The following HS3ST5 variants were observed in gnomAD, a reference collection of about 807,000 sequenced individuals.
HS3ST5 encodes the protein heparan sulfate-glucosamine 3-sulfotransferase 5, also known as heparan sulfate glucosamine 3-O-sulfotransferase 5.
In HS3ST5, 10 loss-of-function variants were observed where a neutral mutation model predicts 25.4. The ratio of observed to expected loss-of-function variants is 0.39; its 90% CI spans 0.24 to 0.67. HS3ST5 has a LOEUF of 0.67. HS3ST5 is among the 30% of genes least tolerant of loss of function. HS3ST5 has a pLI of 0.44. For synonymous variants in HS3ST5, 170 were observed against 162.4 expected (o/e 1.05, Z -0.36); for missense variants, 324 against 420.7 (o/e 0.77, Z 2.01).
At chr6:114,214,409 A>G (rs1781655276) in intron 2 of HS3ST5, among the ~76,000 whole-genome samples, 1 of 152,214 alleles carries the variant, frequency 6.6e-6, no homozygotes, top group African/African-American at 2.4e-5. Flanking sequence ...AAACTGTATC[A>G]GTTCCCCAGC....
At chr6:114,290,654 T>C (rs932683887) in intron 1 of HS3ST5, among the ~76,000 whole-genome samples, 1 of 152,162 alleles carries the variant, frequency 6.6e-6, no homozygotes, top group Non-Finnish European at 1.5e-5. Flanking sequence ...TGCCAGATGG[T>C]ATATCAGAGT....
At chr6:114,285,183 G>T (rs1008130287) in intron 1 of HS3ST5, among the ~76,000 whole-genome samples, 2 of 151,962 alleles carry the variant, frequency 1.3e-5, no homozygotes, top group African/African-American at 4.8e-5. Flanking sequence ...GTCAACAAAT[G>T]AATGTATTAA....
intron 3 of HS3ST5, among the ~76,000 whole-genome samples, chr6:114,089,517 T>A (rs978537109): frequency 6.6e-6 from 1 of 152,250 alleles, no homozygotes; most frequent in Non-Finnish European, 1.5e-5. Context: ...ACCTGTCTTA[T>A]GTATTCTATA....
intron 1 of HS3ST5, among the ~76,000 whole-genome samples, chr6:114,336,460 C>T (rs1037149406): frequency 5.3e-5 from 8 of 152,096 alleles, no homozygotes; most frequent in Non-Finnish European, 1.0e-4. Flanking sequence ...ATACAAAAAT[C>T]AGGTGGGCAT....
chr6:114,059,033 G>T, intron 4 of HS3ST5: 1 of 152,162 alleles, frequency 6.6e-6, no homozygotes, highest in Non-Finnish European at 1.5e-5. Flanking sequence ...GGAGTGCAAT[G>T]GATATAGCCA....
Position 114,193,720 on chromosome 6 carries a change from A to G in HS3ST5, c.-144-25258T>C, listed in dbSNP as rs539219468. ...AAAAATGTTAACTATCAGTATTATT[A>G]TCCCCCAAAGACAACTACTTCTTGA... On this transcript the variant is annotated intron_variant, in intron 2 of 4. Coordinates refer to ENST00000312719, the MANE Select transcript of HS3ST5 (RefSeq NM_153612.4). Among the ~76,000 whole-genome samples, 3 of 152,338 alleles carry G rather than the reference A, an allele frequency of 2.0e-5. No individual in the cohort carries two copies. In the East Asian group the frequency reaches 5.8e-4, roughly 29 times the overall value.
Position 114,084,434 on chromosome 6 carries a change from C to T in HS3ST5, c.-32-21557G>A, listed in dbSNP as rs946102746. ...GCCTGCTCTTCTTTTTCAGTCTCTT[C>T]AGGATCTCTGTAGAAGTAGAGATCA... On this transcript the variant is annotated intron_variant, in intron 3 of 4. Coordinates refer to ENST00000312719, the MANE Select transcript of HS3ST5 (RefSeq NM_153612.4). The T allele has an allele frequency of 2.9e-5, 22 of 756,252 alleles. No individual in the cohort carries two copies. In the African/African-American group the frequency reaches 3.6e-4, roughly 12 times the overall value. 46.8% of individuals were successfully genotyped at this position (756,252 alleles called of 1,614,324 possible).
intron 2 of HS3ST5, among the ~76,000 whole-genome samples, chr6:114,181,318 A>G (rs967133604): frequency 6.6e-6 from 1 of 152,192 alleles, no homozygotes; most frequent in African/African-American, 2.4e-5. Context: ...CACCCAAACC[A>G]TGGATATCTG....
At position 114,262,506 on chromosome 6, in the gene HS3ST5, C is replaced by A. The variant is rs578043730; in HGVS notation, c.-338-33728G>T. Among the ~76,000 whole-genome samples the A allele has an allele frequency of 4.6e-5, 7 of 151,678 alleles. No individual in the cohort carries two copies. In the East Asian group the frequency reaches 1.4e-3, roughly 29 times the overall value. Reference sequence around the variant, plus strand: ...AGCTTGCAGTGAGCTGAGACTGTGCCATTGCACTCCAGCCTGGTTAACAGT... The same window carrying A: ...AGCTTGCAGTGAGCTGAGACTGTGCAATTGCACTCCAGCCTGGTTAACAGT... On this transcript the variant is annotated intron_variant, in intron 1 of 4. Coordinates refer to ENST00000312719, the MANE Select transcript of HS3ST5 (RefSeq NM_153612.4).
chr6:114,232,780 A>AC (rs1319682922), intron 1 of HS3ST5, among the ~76,000 whole-genome samples: 4 of 152,006 alleles, frequency 2.6e-5, no homozygotes, highest in Admixed American at 2.6e-4. Context: ...TAATTTTCAA[A>AC]CCTACTTCAC....
At chr6:114,085,832 G>A (rs1562190611) in intron 3 of HS3ST5, among the ~76,000 whole-genome samples, 1 of 151,812 alleles carries the variant, frequency 6.6e-6, no homozygotes, top group Non-Finnish European at 1.5e-5. Context: ...TTTCAACAGT[G>A]AGGGTGATAT....
chr6:114,297,141 C>T (rs1774858051), intron 1 of HS3ST5, among the ~76,000 whole-genome samples: 1 of 152,126 alleles, frequency 6.6e-6, no homozygotes, highest in African/African-American at 2.4e-5. Flanking sequence ...ACGGACTTCC[C>T]CCAAATCACA....
chr6:114,216,186 A>G (rs1781752921), intron 2 of HS3ST5, among the ~76,000 whole-genome samples: 1 of 152,228 alleles, frequency 6.6e-6, no homozygotes, highest in African/African-American at 2.4e-5. Context: ...GAACTCATTA[A>G]TAAATAATGT....
intron 1 of HS3ST5, among the ~76,000 whole-genome samples, chr6:114,314,935 G>T (rs1582810437): frequency 6.6e-6 from 1 of 152,256 alleles, no homozygotes; most frequent in East Asian, 1.9e-4. Context: ...CAAGTAAAGA[G>T]AGGGCTTCTG....
rs561786048 is a variant in HS3ST5, at chr6:114,226,954, T to G, written c.-145+1631A>C. 2.3e-3 allele frequency among the ~76,000 whole-genome samples: 355 copies of G among 152,060 alleles called. 15 individuals are homozygous for G. The South Asian group carries it at 0.071, about 30-fold the overall frequency. On this transcript the variant is annotated intron_variant, in intron 2 of 4. Transcript: ENST00000312719. ...TTCTCTGAAATTGAAATATTGCAGA[T>G]GATTTACACTAAAAGCTTTATGAAA... is the stretch of plus-strand genomic sequence containing the variant.
chr6:114,058,153 C>T lies in HS3ST5; in HGVS notation c.145G>A (p.Gly49Arg). 2 of 1,610,298 alleles carry T rather than the reference C, an allele frequency of 1.2e-6. No individual in the cohort carries two copies. ...GGGAATTCAGCCTGAGTGCGGGCTC[C>T]ACCCAGTCGACCTTCAATGGGGCAA... ...PICPIEGRLG[G>R]ARTQAEFPLR... Residue 49 changes from glycine (G) to arginine (R), a missense_variant, in exon 5 of 5, where the codon GGA (glycine) becomes AGA (arginine). Physicochemically the swap from Gly to Arg is moderately radical, Grantham distance 125. Transcript: ENST00000312719.
At chr6:114,255,435 G>T (rs540949862) in intron 1 of HS3ST5, among the ~76,000 whole-genome samples, 2 of 152,202 alleles carry the variant, frequency 1.3e-5, no homozygotes, top group Non-Finnish European at 2.9e-5. Flanking sequence ...GTCAGCTGTT[G>T]GTGGATCTAC....
At chr6:114,136,348 T>C (rs1777610642) in intron 3 of HS3ST5, among the ~76,000 whole-genome samples, 1 of 152,326 alleles carries the variant, frequency 6.6e-6, no homozygotes, top group African/African-American at 2.4e-5. Flanking sequence ...GCAGTTCCCC[T>C]GCACACACTC....
At chr6:114,109,360 C>A (rs746138060) in intron 3 of HS3ST5, among the ~76,000 whole-genome samples, 1 of 152,066 alleles carries the variant, frequency 6.6e-6, no homozygotes, top group Non-Finnish European at 1.5e-5. Flanking sequence ...AGGGTGAAAT[C>A]CCCTAGGGGC....
Sources: gnomAD v4.1 joint callset for allele counts (sites outside exome capture counted in the v4.1 genomes callset) on GRCh38, gnomAD v4.1.1 for gene constraint, MANE v1.5 for transcripts, NCBI Gene and HGNC (gene_info 2026-07-23, HGNC 2026-07-21) for gene names.